The following SMARCA5 variants were observed in gnomAD, a reference collection of about 807,000 sequenced individuals.
SMARCA5 encodes the protein SWI/SNF-related matrix-associated actin-dependent regulator of chromatin subfamily A member 5.
In SMARCA5, 18 loss-of-function variants were observed where a neutral mutation model predicts 140.4. The observed-to-expected ratio is 0.13, with a 90% confidence interval of 0.09 to 0.19. The LOEUF is 0.19. Ranked by LOEUF, SMARCA5 falls within the 10% of genes least tolerant of loss-of-function variation. The pLI, the probability that SMARCA5 is intolerant of heterozygous loss-of-function variation, is 1.00. For synonymous variants in SMARCA5, 449 were observed against 419.6 expected (o/e 1.07, Z -0.86); for missense variants, 606 against 1,276.8 (o/e 0.47, Z 8.01).
At chr4:143,528,781 A>T in intron 8 of SMARCA5, 67 bp downstream of exon 8, 1 of 1,448,892 alleles carries the variant, frequency 6.9e-7, no homozygotes, top group Non-Finnish European at 9.4e-7. Context: ...TTTTTGTAAT[A>T]AAAGTGGCCT....
intron 23 of SMARCA5, 141 bp downstream of exon 23, chr4:143,550,245 T>TTC: frequency 2.6e-6 from 1 of 379,956 alleles, no homozygotes. Flanking sequence ...TTTTTTTTTT[T>TTC]CCTTAAGGGA....
intron 23 of SMARCA5, among the ~76,000 whole-genome samples, chr4:143,552,794 T>C (rs538961711): frequency 1.1e-4 from 16 of 152,046 alleles, no homozygotes; most frequent in Non-Finnish European, 2.2e-4. Context: ...TTGGTACTTA[T>C]GTAACTGCCT....
At chr4:143,537,160 G>C (rs545254961) in intron 11 of SMARCA5, among the ~76,000 whole-genome samples, 1 of 152,216 alleles carries the variant, frequency 6.6e-6, no homozygotes, top group East Asian at 1.9e-4. Flanking sequence ...TTGTGTGTTT[G>C]GGTATATTTA....
In SMARCA5 at chr4:143,543,617, A is replaced by T; in HGVS notation, c.2012A>T (p.Asp671Val). The change falls in exon 15 of 24, where the codon GAT (aspartate) becomes GTT (valine). Residue 671 changes from aspartate (D) to valine (V), a missense_variant. Asp to Val is a radical substitution (Grantham distance 152). Transcript: ENST00000283131. ...VFASKESEIT[D>V]EDIDGILERG... ...GCTTCAAAGGAAAGTGAGATCACTG[A>T]TGAAGATATCGATGGTATTTTGGAA... The T allele has an allele frequency of 6.2e-7, 1 of 1,613,330 alleles. No individual in the cohort carries two copies. The highest frequency in any genetic ancestry group is 8.5e-7 in the Non-Finnish European group (1 of 1,179,476).
intron 3 of SMARCA5, among the ~76,000 whole-genome samples, chr4:143,522,181 C>G (rs1736976646): frequency 6.6e-6 from 1 of 152,160 alleles, no homozygotes; most frequent in South Asian, 2.1e-4. Flanking sequence ...ATTGTGATGA[C>G]TTACATCACG....
In SMARCA5 at chr4:143,527,856, C is replaced by T. The variant is rs1452354212; in HGVS notation, c.802-12C>T. ...TTTCTACGTGATGTAATTTTTTTCT[C>T]TTGTTACACAGGCTGCTTTTGTCAG... On this transcript the variant is annotated splice_polypyrimidine_tract_variant and intron_variant, in intron 6 of 23. Coordinates refer to ENST00000283131, the MANE Select transcript of SMARCA5 (RefSeq NM_003601.4). 3 of 1,583,468 alleles carry T rather than the reference C, an allele frequency of 1.9e-6. No homozygotes were observed. The highest frequency in any genetic ancestry group is 1.2e-5 in the South Asian group (1 of 84,728).
chr4:143,527,813 A>C, intron 6 of SMARCA5, 55 bp from the exon 7 acceptor site: 4 of 1,447,020 alleles, frequency 2.8e-6, no homozygotes, highest in Non-Finnish European at 3.8e-6. Context: ...GTCATCAGTA[A>C]ATGTAATGCG....
chr4:143,546,127 A>T (rs1737519394), intron 19 of SMARCA5, 80 bp downstream of exon 19: 1 of 1,080,368 alleles, frequency 9.3e-7, no homozygotes, highest in African/African-American at 1.6e-5. Flanking sequence ...GCATAAAAAT[A>T]AATACAAGTT....
intron 5 of SMARCA5, 139 bp from the exon 6 acceptor site, chr4:143,526,140 GAT>G: frequency 1.5e-6 from 1 of 677,858 alleles, no homozygotes; most frequent in South Asian, 1.8e-5. Context: ...TACAAACTTT[GAT>G]ATATGTTAAG....
Position 143,555,381 on chromosome 4 carries a change from G to A in SMARCA5, c.*2197G>A. Reference sequence around the variant, plus strand: ...CCACCATATCCATCACCACCACCATGGCTGCCACCAAAGCCACCACGATCA... The same window carrying A: ...CCACCATATCCATCACCACCACCATAGCTGCCACCAAAGCCACCACGATCA... On this transcript the variant is annotated 3_prime_UTR_variant, in exon 24 of 24. Coordinates refer to ENST00000283131, the MANE Select transcript of SMARCA5 (RefSeq NM_003601.4). 2.9e-6 allele frequency: 2 copies of A among 690,176 alleles called. No individual in the cohort carries two copies. Among genetic ancestry groups the A allele is most frequent in the Non-Finnish European group, 5.4e-6 (2 of 371,558 alleles). The allele number at this position is 690,176 out of a possible 1,614,324, so 42.8% of individuals were successfully genotyped here.
intron 17 of SMARCA5, 100 bp downstream of exon 17, chr4:143,544,947 CTTT>C (rs11289994): frequency 0.036 from 12,857 of 352,366 alleles, no homozygotes; most frequent in Middle Eastern, 0.047. Context: ...TTTTGTGTTT[CTTT>C]TTTTTTTTTT....
Position 143,553,411 on chromosome 4 carries a change from A to G in SMARCA5, c.*227A>G, listed in dbSNP as rs1352073217. 2.5e-6 allele frequency: 1 copy of G among 405,944 alleles called. No homozygotes were observed. Among genetic ancestry groups the G allele is most frequent in the African/African-American group, 2.0e-5 (1 of 49,132 alleles). 25.1% of individuals were successfully genotyped at this position (405,944 alleles called of 1,614,324 possible). ...TGAAGTAATAAAATAGGCTTCATTT[A>G]TTACTAAGTGTTTCATTTGATTTAT... On this transcript the variant is annotated 3_prime_UTR_variant, in exon 24 of 24. Transcript: ENST00000283131.
At chr4:143,525,235 C>T (rs910374869) in intron 4 of SMARCA5, among the ~76,000 whole-genome samples, 4 of 152,144 alleles carry the variant, frequency 2.6e-5, no homozygotes, top group Middle Eastern at 3.4e-3. Context: ...CTCTGATGCC[C>T]GCAGTCATGT....
At chr4:143,528,553 C>A in intron 7 of SMARCA5, 30 bp from the exon 8 acceptor site, 1 of 1,597,698 alleles carries the variant, frequency 6.3e-7, no homozygotes. Flanking sequence ...GCAGAATATT[C>A]TAATGGTGTA....
chr4:143,535,080 C>A, intron 10 of SMARCA5, 116 bp downstream of exon 10: 1 of 687,552 alleles, frequency 1.5e-6, no homozygotes, highest in Non-Finnish European at 2.4e-6. Flanking sequence ...TTGAACTCAA[C>A]CTGAAAAGAG....
chr4:143,531,398 A>C (rs552576770), intron 9 of SMARCA5, among the ~76,000 whole-genome samples: 1 of 152,360 alleles, frequency 6.6e-6, no homozygotes, highest in Admixed American at 6.5e-5. Context: ...CCTGCTAAGC[A>C]GGTTAAAGCA....
intron 8 of SMARCA5, among the ~76,000 whole-genome samples, chr4:143,529,607 G>T (rs1038265746): frequency 6.6e-6 from 1 of 151,876 alleles, no homozygotes; most frequent in Non-Finnish European, 1.5e-5. Context: ...AGAAATTGCA[G>T]TTTTTTTTGC....
In SMARCA5 at chr4:143,534,878, T is replaced by G; in HGVS notation, c.1182T>G (p.Arg394=). The G allele has an allele frequency of 6.2e-7, 1 of 1,612,822 alleles. No individual in the cohort carries two copies. The highest frequency in any genetic ancestry group is 8.5e-7 in the Non-Finnish European group (1 of 1,179,490). ...AGGTTTTGCGTCCATTCCTCCTTCG[T>G]CGAATTAAGGCTGATGTTGAAAAGA... ...LHMVLRPFLL[R]RIKADVEKSL... Residue 394 remains arginine (R), a synonymous_variant, in exon 10 of 24, where the codon CGT becomes CGG. Coordinates refer to ENST00000283131, the MANE Select transcript of SMARCA5 (RefSeq NM_003601.4).
chr4:143,535,296 T>TA, intron 10 of SMARCA5, among the ~76,000 whole-genome samples: 1 of 152,260 alleles, frequency 6.6e-6, no homozygotes, highest in Non-Finnish European at 1.5e-5. Flanking sequence ...ATGGTTCACT[T>TA]ATAGTTCATA....
Sources: allele counts gnomAD v4.1 joint callset (sites outside exome capture counted in the v4.1 genomes callset), GRCh38; gene constraint gnomAD v4.1.1; transcripts MANE v1.5; gene names NCBI Gene and HGNC (gene_info 2026-07-23, HGNC 2026-07-21).